Variants in TXLNA observed in about 807,000 individuals in gnomAD.
The protein encoded by TXLNA is alpha-taxilin.
TXLNA carries 9 observed loss-of-function variants against 61.4 expected under a neutral mutation model. The ratio of observed to expected loss-of-function variants is 0.15; its 90% CI spans 0.09 to 0.26. The LOEUF (loss-of-function observed/expected upper bound fraction) is 0.26, where lower values mean the gene tolerates loss of function less well. TXLNA is among the 10% of genes least tolerant of loss of function. TXLNA has a pLI of 1.00. For missense variants in TXLNA, 565 were observed against 688.8 expected, an observed-to-expected ratio of 0.82 and a Z score of 2.01; for synonymous variants, 257 against 267.7, an observed-to-expected ratio of 0.96 and a Z score of 0.39.
Position 32,185,092 on chromosome 1 carries a change from T to G in TXLNA, c.597+476T>G, listed in dbSNP as rs1049439459. 2.0e-5 allele frequency among the ~76,000 whole-genome samples: 3 copies of G among 152,368 alleles called. No homozygotes were observed. The South Asian group carries it at 6.2e-4, about 32-fold the overall frequency. ...CCCCCTTCTAGCTTTGTCATCTCTG[T>G]GGTATCATTTTACTTCTTTACCTCC... On this transcript the variant is annotated intron_variant, in intron 4 of 10. Coordinates refer to ENST00000373610, the MANE Select transcript of TXLNA (RefSeq NM_175852.4).
chr1:32,193,949 C>T (rs1037779163), intron 9 of TXLNA, 116 bp from the exon 10 acceptor site: 28 of 762,874 alleles, frequency 3.7e-5, no homozygotes, highest in South Asian at 2.2e-4. Context: ...TAATGCCTTG[C>T]GCCTTGGGAT....
intron 3 of TXLNA, among the ~76,000 whole-genome samples, chr1:32,183,934 G>C (rs1642727589): frequency 6.8e-6 from 1 of 146,626 alleles, no homozygotes; most frequent in Admixed American, 6.9e-5. Flanking sequence ...GTAGAGATGG[G>C]GTTTCACCAT....
intron 4 of TXLNA, among the ~76,000 whole-genome samples, chr1:32,187,456 G>T (rs1476174100): frequency 6.6e-6 from 1 of 152,192 alleles, no homozygotes; most frequent in Non-Finnish European, 1.5e-5. Context: ...GAGTTAGAAG[G>T]ATTATCTGTT....
At chr1:32,184,972 C>T (rs1261929206) in intron 4 of TXLNA, among the ~76,000 whole-genome samples, 2 of 152,154 alleles carry the variant, frequency 1.3e-5, no homozygotes, top group Admixed American at 6.5e-5. Context: ...GATACTTTTT[C>T]CTTTTACTCC....
intron 4 of TXLNA, 71 bp from the exon 5 acceptor site, chr1:32,187,883 C>A (rs1007024378): frequency 5.2e-5 from 80 of 1,536,170 alleles, no homozygotes; most frequent in Non-Finnish European, 6.6e-5. Flanking sequence ...AGACCCTAGA[C>A]CTGCATAGTG....
At chr1:32,194,834 C>T (rs766668693) in intron 10 of TXLNA, 68 bp from the exon 11 acceptor site, 21 of 1,521,974 alleles carry the variant, frequency 1.4e-5, no homozygotes, top group Non-Finnish European at 1.8e-5. Context: ...AAGTGTTTGC[C>T]GCCAAGTGGT....
At chr1:32,189,611 C>G (rs899947009) in intron 5 of TXLNA, among the ~76,000 whole-genome samples, 2 of 151,266 alleles carry the variant, frequency 1.3e-5, no homozygotes, top group Non-Finnish European at 2.9e-5. Context: ...GTGGCGCGAT[C>G]ATAGCTCACC....
chr1:32,191,118 G>T (rs533064211), intron 6 of TXLNA, among the ~76,000 whole-genome samples: 4 of 150,722 alleles, frequency 2.7e-5, no homozygotes, highest in Admixed American at 1.3e-4. Context: ...AAAAAAGCAG[G>T]ATGTCACTCC....
Position 32,195,930 on chromosome 1 carries a change from C to A in TXLNA, c.*735C>A. 4.3e-6 allele frequency: 1 copy of A among 234,230 alleles called. No individual in the cohort carries two copies. The highest frequency in any genetic ancestry group is 8.9e-6 in the Non-Finnish European group (1 of 112,644). 14.5% of individuals were successfully genotyped at this position (234,230 alleles called of 1,614,324 possible). ...CCTGCACAAATGATTGACAAGAGATCACCCAAAGGATTATTTCTGAAGGTG... is the reference window on the plus strand; with the variant it reads ...CCTGCACAAATGATTGACAAGAGATAACCCAAAGGATTATTTCTGAAGGTG... On this transcript the variant is annotated 3_prime_UTR_variant, in exon 11 of 11. Coordinates refer to ENST00000373610, the MANE Select transcript of TXLNA (RefSeq NM_175852.4).
In TXLNA at chr1:32,181,470, A is replaced by C. The variant is rs775565077; in HGVS notation, c.398A>C (p.Lys133Thr). 3.1e-6 allele frequency: 5 copies of C among 1,613,632 alleles called. No homozygotes were observed. The Admixed American group carries it at 8.3e-5, about 27-fold the overall frequency. The part of the protein sequence containing the change: ...PEPTPVVNGE[K>T]EPSKGDPNTE... The stretch of plus-strand genomic sequence containing the variant: ...CCAACTCCAGTAGTCAATGGAGAGA[A>C]GGAACCCTCCAAGGGGGATCCAAAC... Residue 133 changes from lysine (K) to threonine (T), a missense_variant, in exon 3 of 11, where the codon AAG becomes ACG. Coordinates refer to ENST00000373610, the MANE Select transcript of TXLNA (RefSeq NM_175852.4).
Position 32,194,100 on chromosome 1 carries a change from C to T in TXLNA, c.1287C>T (p.Thr429=), listed in dbSNP as rs1274797518. Residue 429 remains threonine (T), a synonymous_variant, in exon 10 of 11, where the codon ACC becomes ACT. Coordinates refer to ENST00000373610, the MANE Select transcript of TXLNA (RefSeq NM_175852.4). ...TKKIKKLEKE[T]TMYRSRWESS... ...AGATCAAGAAGCTGGAGAAAGAAACCACCATGTACCGGTCCCGGTGGGAGA... is the reference window on the plus strand; with the variant it reads ...AGATCAAGAAGCTGGAGAAAGAAACTACCATGTACCGGTCCCGGTGGGAGA... 3.1e-6 allele frequency: 5 copies of T among 1,613,878 alleles called. No individual in the cohort carries two copies. Among genetic ancestry groups the T allele is most frequent in the Middle Eastern group, 1.6e-4 (1 of 6,062 alleles).
At position 32,197,698 on chromosome 1, in the gene TXLNA, G is replaced by T. The variant is rs1490517135; in HGVS notation, c.*2503G>T. On this transcript the variant is annotated 3_prime_UTR_variant, in exon 11 of 11. Coordinates refer to ENST00000373610, the MANE Select transcript of TXLNA (RefSeq NM_175852.4). The surrounding 1 kb of genome is among the most constrained non-coding windows in gnomAD (Gnocchi z 4.6). ...TTAGATTGCTAGCTTTTCCTCCAGG[G>T]GACCACAGCAGGTGAAGCTCAAGAG... 1.3e-5 allele frequency: 2 copies of T among 152,258 alleles called. No individual in the cohort carries two copies. Among genetic ancestry groups the T allele is most frequent in the Non-Finnish European group, 2.9e-5 (2 of 68,062 alleles). 9.4% of individuals were successfully genotyped at this position (152,258 alleles called of 1,614,324 possible).
At chr1:32,186,577 A>G (rs1396530823) in intron 4 of TXLNA, among the ~76,000 whole-genome samples, 1 of 152,062 alleles carries the variant, frequency 6.6e-6, no homozygotes, top group Non-Finnish European at 1.5e-5. Context: ...GGGCCAAGAG[A>G]GTTGAGGGTG....
intron 6 of TXLNA, among the ~76,000 whole-genome samples, chr1:32,191,716 CA>C (rs1191485228): frequency 2.0e-5 from 3 of 151,974 alleles, no homozygotes; most frequent in African/African-American, 7.3e-5. Flanking sequence ...CTTCCCCATC[CA>C]AAAAAATGGA....
At chr1:32,179,943 T>A (rs1053230038) in intron 1 of TXLNA, 167 bp downstream of exon 1, 1 of 152,642 alleles carries the variant, frequency 6.6e-6, no homozygotes, top group African/African-American at 2.4e-5. Flanking sequence ...GGGGCGTGGG[T>A]GGCTGCGCGC....
Position 32,188,073 on chromosome 1 carries a change from C to A in TXLNA, c.717C>A (p.Ser239Arg). 6.3e-7 allele frequency: 1 copy of A among 1,591,222 alleles called. No individual in the cohort carries two copies. Among genetic ancestry groups the A allele is most frequent in the Non-Finnish European group, 8.6e-7 (1 of 1,168,408 alleles). The stretch of plus-strand genomic sequence containing the variant: ...ACAGCAAGGCCGTCCTGGCCCGCAG[C>A]AAGCTTGAGAGCCTATGCCGTGAGC... ...GEHSKAVLAR[S>R]KLESLCRELQ... The change falls in exon 5 of 11, where the codon AGC becomes AGA. Residue 239 changes from serine to arginine, a missense_variant. Ser to Arg is a moderately radical substitution (Grantham distance 110). This residue lies in a region of TXLNA where 373 missense variants were observed against 504.0 expected (regional missense o/e 0.74). Coordinates refer to ENST00000373610, the MANE Select transcript of TXLNA (RefSeq NM_175852.4).
intron 4 of TXLNA, among the ~76,000 whole-genome samples, chr1:32,185,857 C>T (rs1642778314): frequency 6.6e-6 from 1 of 150,904 alleles, no homozygotes; most frequent in Non-Finnish European, 1.5e-5. Flanking sequence ...TGTCACCATG[C>T]CTGGCTAAAT....
chr1:32,183,366 C>T (rs1427673952), intron 3 of TXLNA, among the ~76,000 whole-genome samples: 2 of 150,764 alleles, frequency 1.3e-5, no homozygotes, highest in South Asian at 2.1e-4. Context: ...CCTCATGATC[C>T]GCCCACCTGG....
chr1:32,180,072 G>A, intron 1 of TXLNA: 1 of 309,656 alleles, frequency 3.2e-6, no homozygotes, highest in South Asian at 6.1e-5. Flanking sequence ...GTTGTGCCGG[G>A]AAGTGGCTCC....
Sources: allele counts gnomAD v4.1 joint callset (sites outside exome capture counted in the v4.1 genomes callset), GRCh38; gene constraint gnomAD v4.1.1; regional missense constraint gnomAD v4.1.1; non-coding constraint Gnocchi (gnomAD v3.1); transcripts MANE v1.5; gene names NCBI Gene and HGNC (gene_info 2026-07-23, HGNC 2026-07-21).